The following KPNA7 variants were observed in gnomAD, a reference collection of about 807,000 sequenced individuals.
KPNA7 encodes importin subunit alpha-8.
Under a neutral mutation model 53.7 loss-of-function variants are expected in KPNA7, and 54 were observed. That is an observed-to-expected ratio of 1.01 (90% CI 0.81 to 1.26). The LOEUF (loss-of-function observed/expected upper bound fraction) is 1.26, where lower values mean the gene tolerates loss of function less well. Among genes scored for constraint, KPNA7 ranks in the 50% most tolerant of loss-of-function variants. The pLI, the probability that KPNA7 is intolerant of heterozygous loss-of-function variation, is 0.00. For missense variants in KPNA7, 640 were observed against 644.5 expected (o/e 0.99, Z 0.07); for synonymous variants, 276 against 259.3 (o/e 1.06, Z -0.62).
At chr7:99,176,640 C>T (rs1798919289) in intron 10 of KPNA7, among the ~76,000 whole-genome samples, 2 of 152,050 alleles carry the variant, frequency 1.3e-5, no homozygotes, top group Non-Finnish European at 2.9e-5. Flanking sequence ...TTTGGGAGGC[C>T]GAGACGGGTG....
upstream of KPNA7, among the ~76,000 whole-genome samples, chr7:99,209,682 C>CAAAAAAA (rs60377276): frequency 6.1e-4 from 45 of 73,534 alleles, no homozygotes; most frequent in East Asian, 1.1e-3. Context: ...GACTCCAACT[C>CAAAAAAA]AAAAAAAAAA....
chr7:99,168,827 C>T (rs879296175), downstream of KPNA7, among the ~76,000 whole-genome samples: 21 of 152,116 alleles, frequency 1.4e-4, no homozygotes, highest in Admixed American at 1.3e-3. Flanking sequence ...ATGGAGGCAC[C>T]GCCACCCACT....
chr7:99,210,943 A>G (rs1440169028), upstream of KPNA7, among the ~76,000 whole-genome samples: 1 of 151,924 alleles, frequency 6.6e-6, no homozygotes, highest in Non-Finnish European at 1.5e-5. Context: ...TGTAATATTC[A>G]TCTGTTTCTG....
chr7:99,182,374 T>C (rs1789306011), intron 8 of KPNA7, among the ~76,000 whole-genome samples: 1 of 152,168 alleles, frequency 6.6e-6, no homozygotes, highest in Non-Finnish European at 1.5e-5. Context: ...ATTTTTTATA[T>C]TTTTAGTAGA....
At chr7:99,197,341 C>A (rs919719880) in intron 3 of KPNA7, among the ~76,000 whole-genome samples, 1 of 152,138 alleles carries the variant, frequency 6.6e-6, no homozygotes, top group Non-Finnish European at 1.5e-5. Context: ...AACGAGCACA[C>A]CCAGCAACAA....
chr7:99,213,655 G>C (rs1584325951), intron 1 of KPNA7, among the ~76,000 whole-genome samples: 1 of 152,058 alleles, frequency 6.6e-6, no homozygotes, highest in Admixed American at 6.6e-5. Flanking sequence ...CTGTCACCCA[G>C]GTTGGGGTGC....
chr7:99,202,997 A>G, intron 3 of KPNA7, 109 bp downstream of exon 3: 4 of 1,344,566 alleles, frequency 3.0e-6, no homozygotes, highest in Non-Finnish European at 4.0e-6. Flanking sequence ...TTTCTTTAAA[A>G]GCCCAAAACG....
intron 5 of KPNA7, among the ~76,000 whole-genome samples, chr7:99,194,679 C>T (rs1790136428): frequency 6.6e-6 from 1 of 152,164 alleles, no homozygotes; most frequent in Non-Finnish European, 1.5e-5. Context: ...TCTTGGTTCA[C>T]TGCAACTTCC....
upstream of KPNA7, among the ~76,000 whole-genome samples, chr7:99,212,656 G>T (rs1215789017): frequency 1.3e-5 from 2 of 151,946 alleles, no homozygotes; most frequent in African/African-American, 4.8e-5. Context: ...AACGCTTTGG[G>T]AGGCCAAGGC....
the KPNA7 span, among the ~76,000 whole-genome samples, chr7:99,151,040 T>C: frequency 2.0e-5 from 3 of 152,158 alleles, no homozygotes; most frequent in Non-Finnish European, 2.9e-5. Flanking sequence ...CAGAAACAAA[T>C]TAAATTAATT....
the KPNA7 span, among the ~76,000 whole-genome samples, chr7:99,149,741 G>A: frequency 6.6e-6 from 1 of 152,214 alleles, no homozygotes; most frequent in East Asian, 1.9e-4. Context: ...CTCTGTCTAG[G>A]ATCTAGGCTT....
chr7:99,181,918 G>C lies in KPNA7; in HGVS notation c.1282C>G (p.Leu428Val), dbSNP rs1427161208. ...CAAGAGATGACATCAAGGATGATGA[G>C]AACAATTTTAACATCTGGGGCAGTG... The part of the protein sequence containing the change: ...LLTAPDVKIV[L>V]IILDVISCIL... Residue 428 changes from leucine to valine, a missense_variant, in exon 9 of 11, where the codon CTC becomes GTC. Leu to Val is a conservative substitution (Grantham distance 32). Transcript: ENST00000327442. 5 of 1,550,930 alleles carry C rather than the reference G, an allele frequency of 3.2e-6. No homozygotes were observed. In the East Asian group the frequency reaches 1.2e-4, roughly 38 times the overall value.
At chr7:99,199,808 CAG>C (rs1193807961) in intron 3 of KPNA7, among the ~76,000 whole-genome samples, 6 of 151,702 alleles carry the variant, frequency 4.0e-5, no homozygotes, top group Non-Finnish European at 8.8e-5. Flanking sequence ...ACCCACAGAA[CAG>C]AATATATTTG....
At chr7:99,171,376 G>A (rs938979091), downstream of KPNA7, among the ~76,000 whole-genome samples, 1 of 152,214 alleles carries the variant, frequency 6.6e-6, no homozygotes, top group Admixed American at 6.5e-5. Context: ...CAAGGCAGCA[G>A]GATCGCTTGA....
chr7:99,165,196 A>C, the KPNA7 span, among the ~76,000 whole-genome samples: 1 of 152,106 alleles, frequency 6.6e-6, no homozygotes. Flanking sequence ...CACTTGTTGG[A>C]ATGGCCGGGT....
chr7:99,188,456 G>A lies in KPNA7; in HGVS notation c.744C>T (p.His248=), dbSNP rs1167587311. 4.5e-6 allele frequency: 7 copies of A among 1,551,620 alleles called. No individual in the cohort carries two copies. Among genetic ancestry groups the A allele is most frequent in the African/African-American group, 1.4e-5 (1 of 73,058 alleles). The change falls in exon 7 of 11, where the codon CAC becomes CAT. Residue 248 remains histidine (H), a synonymous_variant. Transcript: ENST00000327442. ...AVKQILPALL[H]LLQHQDSEVL... ...CCTCACTGTCCTGGTGCTGCAGGAG[G>A]TGAAGGAGGGCCGGCAGTATCTGCT...
the KPNA7 span, among the ~76,000 whole-genome samples, chr7:99,146,383 C>T: frequency 6.6e-6 from 1 of 152,132 alleles, no homozygotes; most frequent in Non-Finnish European, 1.5e-5. Context: ...GGGTTACATT[C>T]TGATAAACCC....
chr7:99,160,274 C>A, the KPNA7 span, among the ~76,000 whole-genome samples: 1,777 of 152,192 alleles, frequency 0.012, 33 homozygotes, highest in African/African-American at 0.041. Context: ...GATCCGCCCG[C>A]CTCGGCCTCC....
downstream of KPNA7, among the ~76,000 whole-genome samples, chr7:99,171,446 G>T (rs890984975): frequency 2.6e-5 from 4 of 151,412 alleles, no homozygotes; most frequent in Non-Finnish European, 4.4e-5. Flanking sequence ...CTCCTCATGC[G>T]ATCGTTTGTT....
Sources: gnomAD v4.1 joint callset for allele counts (sites outside exome capture counted in the v4.1 genomes callset) on GRCh38, gnomAD v4.1.1 for gene constraint, MANE v1.5 for transcripts, NCBI Gene and HGNC (gene_info 2026-07-23, HGNC 2026-07-21) for gene names.